CDK12: variants seen among roughly 807,000 people sequenced by gnomAD.
The protein encoded by CDK12 is cyclin-dependent kinase 12.
CDK12 carries 17 observed loss-of-function variants against 133.8 expected under a neutral mutation model. That is an observed-to-expected ratio of 0.13 (90% CI 0.09 to 0.19). The LOEUF (loss-of-function observed/expected upper bound fraction) is 0.19, where lower values mean the gene tolerates loss of function less well. Among genes scored for constraint, CDK12 ranks in the 10% least tolerant of loss-of-function variants. The pLI, the probability that CDK12 is intolerant of heterozygous loss-of-function variation, is 1.00. For synonymous variants in CDK12, 694 were observed against 683.6 expected (o/e 1.02, Z -0.24); for missense variants, 1,508 against 1,818.7 (o/e 0.83, Z 3.11).
chr17:39,527,295 A>T (rs1077715), intron 13 of CDK12, among the ~76,000 whole-genome samples: 92,893 of 152,186 alleles, frequency 0.61, 31,983 homozygotes, highest in South Asian at 0.89. Flanking sequence ...AAGTGTAGAG[A>T]TGCCGTAACT....
intron 1 of CDK12, among the ~76,000 whole-genome samples, chr17:39,541,531 AT>A (rs1039407259): frequency 1.4e-4 from 21 of 151,756 alleles, no homozygotes; most frequent in Non-Finnish European, 3.1e-4. Context: ...TGCCTGGCTA[AT>A]TTTTTTGTAT....
At chr17:39,553,941 A>G (rs75256804) in intron 2 of CDK12, among the ~76,000 whole-genome samples, 2 of 7,868 alleles carry the variant, frequency 2.5e-4, no homozygotes, top group Admixed American at 1.0e-3. Flanking sequence ...CCCCAACTAT[A>G]AAAAAAACAG....
intron 1 of CDK12, among the ~76,000 whole-genome samples, chr17:39,464,223 CTT>C (rs753841862): frequency 7.0e-6 from 1 of 143,778 alleles, no homozygotes; most frequent in Admixed American, 7.0e-5. Flanking sequence ...TCATGCATGA[CTT>C]TTTTTTTTTT....
chr17:39,529,759 A>G (rs1319081878), intron 13 of CDK12: 7 of 152,254 alleles, frequency 4.6e-5, no homozygotes, highest in Non-Finnish European at 1.0e-4. Flanking sequence ...AAGACAGAGT[A>G]TAGTATGAAT....
chr17:39,499,485 A>T (rs1015906262), intron 5 of CDK12, among the ~76,000 whole-genome samples: 2 of 149,338 alleles, frequency 1.3e-5, no homozygotes, highest in African/African-American at 5.0e-5. Flanking sequence ...CTGGGATTAC[A>T]GGCATGAACT....
intron 7 of CDK12, 128 bp downstream of exon 7, chr17:39,509,889 C>G: frequency 1.4e-6 from 1 of 704,156 alleles, no homozygotes; most frequent in South Asian, 1.7e-5. Flanking sequence ...CAGCCTCAAC[C>G]TCTGTGGGCT....
intron 1 of CDK12, among the ~76,000 whole-genome samples, chr17:39,469,687 G>T (rs574935163): frequency 6.7e-6 from 1 of 150,292 alleles, no homozygotes; most frequent in African/African-American, 2.5e-5. Context: ...GCCCAGGCTG[G>T]AGTGCAGTGG....
intron 5 of CDK12, among the ~76,000 whole-genome samples, chr17:39,495,754 C>A (rs1416844170): frequency 6.8e-6 from 1 of 147,630 alleles, no homozygotes; most frequent in Non-Finnish European, 1.5e-5. Context: ...AAGATCGTGC[C>A]ACTGCACTCC....
At chr17:39,544,625 CTTT>C (rs71147355), upstream of CDK12, among the ~76,000 whole-genome samples, 2 of 60,908 alleles carry the variant, frequency 3.3e-5, no homozygotes, top group Admixed American at 2.1e-4. Flanking sequence ...AACAGGCGAT[CTTT>C]TTTTTTTTTT....
chr17:39,551,229 CCT>C (rs1323171002), intron 2 of CDK12: 1 of 152,130 alleles, frequency 6.6e-6, no homozygotes, highest in Non-Finnish European at 1.5e-5. Context: ...GTTTCTATCC[CCT>C]GTCTTAGAAG....
chr17:39,555,828 TACACACACACACACACACACAC>T (rs60227908), intron 2 of CDK12, among the ~76,000 whole-genome samples: 41 of 108,686 alleles, frequency 3.8e-4, no homozygotes, highest in South Asian at 2.5e-3. Context: ...ACCTCATCTC[TACACACACACACACACACACAC>T]ACACACACAC....
chr17:39,477,341 T>C lies in CDK12; in HGVS notation c.1931+5578T>C, dbSNP rs541131586. Among the ~76,000 whole-genome samples the C allele has an allele frequency of 3.8e-3, 572 of 151,948 alleles. 4 individuals carry two copies. The highest frequency in any genetic ancestry group is 0.013 in the African/African-American group (548 of 41,438). ...ACCTCCACCTCCTGGGTTCAAGCGA[T>C]TTTCCTGCCTCAGCCTCCCAAGTAG... is the stretch of plus-strand genomic sequence containing the variant. On this transcript the variant is annotated intron_variant, in intron 2 of 13. Transcript: ENST00000447079.
At chr17:39,512,799 A>G (rs984247957) in intron 8 of CDK12, among the ~76,000 whole-genome samples, 3 of 152,128 alleles carry the variant, frequency 2.0e-5, no homozygotes, top group African/African-American at 7.2e-5. Context: ...TTCATTTTAT[A>G]TAACGGTTTT....
intron 2 of CDK12, among the ~76,000 whole-genome samples, chr17:39,482,015 C>CTTTTTTTTTTTTTTTTTTTTTTT (rs56340258): frequency 1.0e-5 from 1 of 96,258 alleles, no homozygotes; most frequent in African/African-American, 3.3e-5. Flanking sequence ...CCTGGCTTGC[C>CTTTTTTTTTTTTTTTTTTTTTTT]TTTTTTTTTT....
chr17:39,553,256 C>G (rs2056025883), intron 2 of CDK12, among the ~76,000 whole-genome samples: 1 of 152,082 alleles, frequency 6.6e-6, no homozygotes, highest in Admixed American at 6.6e-5. Flanking sequence ...ATGACTAAAC[C>G]TCCCATCTTG....
At chr17:39,465,583 T>A (rs2049249824) in intron 1 of CDK12, among the ~76,000 whole-genome samples, 3 of 151,670 alleles carry the variant, frequency 2.0e-5, no homozygotes, top group Admixed American at 2.0e-4. Context: ...GCCTCTCGGG[T>A]TCAAGCTATT....
At chr17:39,524,549 A>T in intron 11 of CDK12, 125 bp from the exon 12 acceptor site, 3 of 787,602 alleles carry the variant, frequency 3.8e-6, no homozygotes, top group African/African-American at 3.5e-5. Flanking sequence ...TTTTTTGGTT[A>T]TTTTTGTTTT....
intron 2 of CDK12, among the ~76,000 whole-genome samples, chr17:39,483,584 C>A (rs2050890127): frequency 6.6e-6 from 1 of 151,692 alleles, no homozygotes; most frequent in Admixed American, 6.6e-5. Flanking sequence ...TTTTAAACAA[C>A]CAACTTCAAG....
Position 39,525,832 on chromosome 17 carries a change from C to T in CDK12, c.3308-32C>T, listed in dbSNP as rs1260364587. 7 of 1,565,500 alleles carry T rather than the reference C, an allele frequency of 4.5e-6. No homozygotes were observed. In the Admixed American group the frequency reaches 7.0e-5, roughly 16 times the overall value. On this transcript the variant is annotated intron_variant, in intron 12 of 13. Coordinates refer to ENST00000447079, the MANE Select transcript of CDK12 (RefSeq NM_016507.4). ...GCAAAGGGCCCTTGGCCTATCTCAT[C>T]GTCTTATATTGGCTTCACTGTCTTT... is the stretch of plus-strand genomic sequence containing the variant.
Sources: gnomAD v4.1 joint callset for allele counts (sites outside exome capture counted in the v4.1 genomes callset) on GRCh38, gnomAD v4.1.1 for gene constraint, MANE v1.5 for transcripts, NCBI Gene and HGNC (gene_info 2026-07-23, HGNC 2026-07-21) for gene names.